KCNMB2: variants seen among roughly 807,000 people sequenced by gnomAD.
The protein encoded by KCNMB2 is calcium-activated potassium channel subunit beta-2.
A neutral mutation model predicts 24.5 loss-of-function variants in KCNMB2; 9 were observed. The ratio of observed to expected loss-of-function variants is 0.37; its 90% CI spans 0.22 to 0.64. KCNMB2 has a LOEUF of 0.64. KCNMB2 is among the 30% of genes least tolerant of loss of function. KCNMB2 has a pLI of 0.63. For synonymous variants in KCNMB2, 109 were observed against 104.4 expected, an observed-to-expected ratio of 1.04 and a Z score of -0.27; for missense variants, 226 against 284.3, an observed-to-expected ratio of 0.79 and a Z score of 1.47.
intron 1 of KCNMB2, among the ~76,000 whole-genome samples, chr3:178,617,587 A>G (rs1718753242): frequency 6.8e-6 from 1 of 147,244 alleles, no homozygotes; most frequent in Non-Finnish European, 1.5e-5. Flanking sequence ...TCAAAATAAC[A>G]CAAAAGAAAA....
rs1169171238 is a variant in KCNMB2 at position 178,791,450 on chromosome 3, GAACA to G, written c.-67-15890_-67-15887del. 3.3e-5 allele frequency among the ~76,000 whole-genome samples: 5 copies of G among 151,952 alleles called. No individual in the cohort carries two copies. The East Asian group carries it at 9.6e-4, about 29-fold the overall frequency. ...CAGTCAGAGGAGACAAAAGAAAAAAGAACAAAAAACAATGAATCACACCGACAGG... is the reference window on the plus strand; with the variant it reads ...CAGTCAGAGGAGACAAAAGAAAAAAGAAAAACAATGAATCACACCGACAGG... On this transcript the variant is annotated intron_variant, in intron 1 of 4. Transcript: ENST00000452583.
chr3:178,544,256 ACT>A (rs1332458290), intron 1 of KCNMB2, among the ~76,000 whole-genome samples: 3 of 152,084 alleles, frequency 2.0e-5, no homozygotes, highest in African/African-American at 7.2e-5. Flanking sequence ...GGCTCACTAA[ACT>A]CTCATTCACC....
chr3:178,771,951 C>A (rs1436584548), intron 1 of KCNMB2, among the ~76,000 whole-genome samples: 2 of 152,080 alleles, frequency 1.3e-5, no homozygotes, highest in African/African-American at 4.8e-5. Flanking sequence ...GATCCCTTAC[C>A]TCCTTACCTC....
chr3:178,819,544 C>T (rs60725021), intron 2 of KCNMB2, among the ~76,000 whole-genome samples: 39,022 of 150,416 alleles, frequency 0.26, 6,851 homozygotes, highest in African/African-American at 0.5. Flanking sequence ...CCTCCTGCTT[C>T]CTCTGCCCGC....
At chr3:178,668,824 T>C (rs1577084570) in intron 1 of KCNMB2, among the ~76,000 whole-genome samples, 1 of 152,310 alleles carries the variant, frequency 6.6e-6, no homozygotes, top group Admixed American at 6.5e-5. Flanking sequence ...CAAGTGATTA[T>C]AACATTAAAT....
In KCNMB2 at chr3:178,758,658, A is replaced by ATATATCTCCAAGAGGATATATATATC. The variant is rs1265304473; in HGVS notation, c.-67-48684_-67-48683insATATCTCCAAGAGGATATATATATCT. 9.7e-4 allele frequency among the ~76,000 whole-genome samples: 57 copies of ATATATCTCCAAGAGGATATATATATC among 58,710 alleles called. 7 individuals are homozygous for ATATATCTCCAAGAGGATATATATATC. The highest frequency in any genetic ancestry group is 4.0e-3 in the South Asian group (6 of 1,494). The allele number at this position is 58,710 out of a possible 152,430, so 38.5% of individuals were successfully genotyped here. ...TCTCTCTCCAAGAGGATATATATATATCTCTCTCCAAGAGGATATATATAT... is the reference window on the plus strand; with the variant it reads ...TCTCTCTCCAAGAGGATATATATATATATATCTCCAAGAGGATATATATATCTCTCTCTCCAAGAGGATATATATAT... On this transcript the variant is annotated intron_variant, in intron 1 of 4. Transcript: ENST00000452583.
At position 178,569,650 on chromosome 3, in the gene KCNMB2, C is replaced by G. The variant is rs577300154; in HGVS notation, c.-68+32939C>G. Among the ~76,000 whole-genome samples, 16 of 152,182 alleles carry G rather than the reference C, an allele frequency of 1.1e-4. 1 individual carries two copies. The highest frequency in any genetic ancestry group is 2.2e-4 in the Non-Finnish European group (15 of 68,038). On this transcript the variant is annotated intron_variant, in intron 1 of 4. Transcript: ENST00000452583. The stretch of plus-strand genomic sequence containing the variant: ...TTTCCTCACAGCCTGGTGTATTGAA[C>G]ATCATCTGCCTCTTTAATTTAAAGG...
intron 1 of KCNMB2, among the ~76,000 whole-genome samples, chr3:178,663,207 C>T (rs919880153): frequency 2.0e-5 from 3 of 152,068 alleles, no homozygotes; most frequent in African/African-American, 7.2e-5. Context: ...TGAATAAGCA[C>T]TCTTTAAGCC....
At chr3:178,651,833 T>G (rs2108560198) in intron 1 of KCNMB2, among the ~76,000 whole-genome samples, 1 of 152,318 alleles carries the variant, frequency 6.6e-6, no homozygotes, top group Admixed American at 6.5e-5. Context: ...GAATTCCCTA[T>G]TTAATAAACA....
chr3:178,814,910 T>C (rs1714343017), intron 2 of KCNMB2, among the ~76,000 whole-genome samples: 1 of 152,190 alleles, frequency 6.6e-6, no homozygotes, highest in Admixed American at 6.5e-5. Flanking sequence ...TTTTCTCCCA[T>C]TCTGTAGGTA....
intron 1 of KCNMB2, among the ~76,000 whole-genome samples, chr3:178,555,495 G>T (rs1408540337): frequency 6.6e-6 from 1 of 152,220 alleles, no homozygotes; most frequent in Non-Finnish European, 1.5e-5. Flanking sequence ...CTTTTGGGAA[G>T]TTTGAATGAA....
At chr3:178,572,026 A>C (rs929462299) in intron 1 of KCNMB2, among the ~76,000 whole-genome samples, 2 of 152,180 alleles carry the variant, frequency 1.3e-5, no homozygotes, top group African/African-American at 4.8e-5. Flanking sequence ...CCACTCTGTA[A>C]ATTACTGTAC....
In KCNMB2 at chr3:178,812,318, T is replaced by A. The variant is rs903801643; in HGVS notation, c.56+4853T>A. Reference sequence around the variant, plus strand: ...TTGTTACATATGTATACAGGTGCCATGATGGTGTGCTGCACCCATTAACTC... The same window carrying A: ...TTGTTACATATGTATACAGGTGCCAAGATGGTGTGCTGCACCCATTAACTC... On this transcript the variant is annotated intron_variant, in intron 2 of 4. Transcript: ENST00000452583. 4.0e-5 allele frequency among the ~76,000 whole-genome samples: 6 copies of A among 151,830 alleles called. No homozygotes were observed. In the South Asian group the frequency reaches 1.3e-3, roughly 32 times the overall value.
chr3:178,685,761 C>A (rs1019317715), intron 1 of KCNMB2, among the ~76,000 whole-genome samples: 2 of 152,164 alleles, frequency 1.3e-5, no homozygotes, highest in Admixed American at 1.3e-4. Flanking sequence ...TCTTTTTAAA[C>A]AGTATCATTC....
At chr3:178,625,119 C>T (rs1719065871) in intron 1 of KCNMB2, among the ~76,000 whole-genome samples, 1 of 151,750 alleles carries the variant, frequency 6.6e-6, no homozygotes, top group African/African-American at 2.4e-5. Context: ...TCTGCCTGGC[C>T]CTTCTTCCCC....
rs568902077 is a variant in KCNMB2 at position 178,563,458 on chromosome 3, G to A, written c.-68+26747G>A. 1.3e-5 allele frequency among the ~76,000 whole-genome samples: 2 copies of A among 152,254 alleles called. 1 individual carries two copies. The highest frequency in any genetic ancestry group is 4.2e-4 in the South Asian group (2 of 4,814). On this transcript the variant is annotated intron_variant, in intron 1 of 4. Coordinates refer to ENST00000452583, the MANE Select transcript of KCNMB2 (RefSeq NM_181361.3). ...TAAATGAAAAGCCCACCCAGACTTG[G>A]AGACTACCAGGGTCCAGGCCTAGAT...
intron 1 of KCNMB2, among the ~76,000 whole-genome samples, chr3:178,568,390 T>C (rs1044827704): frequency 1.3e-5 from 2 of 152,204 alleles, no homozygotes; most frequent in African/African-American, 2.4e-5. Flanking sequence ...GCTATGTTTC[T>C]TTCATGATAC....
intron 1 of KCNMB2, among the ~76,000 whole-genome samples, chr3:178,788,332 G>A (rs1211948643): frequency 4.6e-5 from 7 of 152,042 alleles, no homozygotes; most frequent in African/African-American, 1.5e-4. Context: ...GCTCACTAAA[G>A]GTAAATTATC....
chr3:178,666,758 G>T (rs987310126), intron 1 of KCNMB2, among the ~76,000 whole-genome samples: 4 of 152,104 alleles, frequency 2.6e-5, no homozygotes, highest in Admixed American at 6.6e-5. Flanking sequence ...CCTGTGAGCA[G>T]CCATTGCTGT....
Sources: allele counts gnomAD v4.1 joint callset (sites outside exome capture counted in the v4.1 genomes callset), GRCh38; gene constraint gnomAD v4.1.1; transcripts MANE v1.5; gene names NCBI Gene and HGNC (gene_info 2026-07-23, HGNC 2026-07-21).